The following SMNDC1 variants were observed in gnomAD, a reference collection of about 807,000 sequenced individuals.
SMNDC1 encodes the protein survival of motor neuron-related-splicing factor 30.
Under a neutral mutation model 29.2 loss-of-function variants are expected in SMNDC1, and 5 were observed. The ratio of observed to expected loss-of-function variants is 0.17; its 90% CI spans 0.09 to 0.36. The LOEUF is 0.36. Among genes scored for constraint, SMNDC1 ranks in the 10% least tolerant of loss-of-function variants. SMNDC1 has a pLI of 1.00. For synonymous variants in SMNDC1, 80 were observed against 89.9 expected (o/e 0.89, Z 0.62); for missense variants, 142 against 268.5 (o/e 0.53, Z 3.29).
In SMNDC1 at chr10:110,291,831, CG is replaced by C. The variant is rs369316086; in HGVS notation, c.*2318del. On this transcript the variant is annotated 3_prime_UTR_variant, in exon 6 of 6. Coordinates refer to ENST00000369603, the MANE Select transcript of SMNDC1 (RefSeq NM_005871.4). ...CCACTAAAACTCAACATTTTATTTT[CG>C]GGAGGTTAGGACTGTTCTTTCCTTG... 61 of 152,246 alleles carry C rather than the reference CG, an allele frequency of 4.0e-4. 1 individual carries two copies. In the East Asian group the frequency reaches 0.01, roughly 25 times the overall value. The allele number at this position is 152,246 out of a possible 1,614,324, so 9.4% of individuals were successfully genotyped here.
chr10:110,303,801 T>C (rs1421540238), intron 1 of SMNDC1: 5 of 473,154 alleles, frequency 1.1e-5, no homozygotes, highest in Non-Finnish European at 1.8e-5. Context: ...AAACTTGAGA[T>C]ACATTCCATA....
At chr10:110,298,591 T>G (rs1245338246) in intron 3 of SMNDC1, 57 bp downstream of exon 3, 1 of 1,454,014 alleles carries the variant, frequency 6.9e-7, no homozygotes, top group Non-Finnish European at 9.4e-7. Flanking sequence ...TAAAAACTTC[T>G]TACCATTGTA....
Position 110,295,217 on chromosome 10 carries a change from G to T in SMNDC1, c.579+11C>A. ...TTCTCAAATTTACAAAGTGTAAAAAGATTTACCAACCTGGCCTTTTTTGTT... is the reference window on the plus strand; with the variant it reads ...TTCTCAAATTTACAAAGTGTAAAAATATTTACCAACCTGGCCTTTTTTGTT... On this transcript the variant is annotated intron_variant, in intron 5 of 5. Coordinates refer to ENST00000369603, the MANE Select transcript of SMNDC1 (RefSeq NM_005871.4). 6.3e-7 allele frequency: 1 copy of T among 1,577,804 alleles called. No homozygotes were observed. The highest frequency in any genetic ancestry group is 8.5e-7 in the Non-Finnish European group (1 of 1,169,870).
At position 110,302,541 on chromosome 10, in the gene SMNDC1, A is replaced by T. The variant is rs193102485; in HGVS notation, c.120+927T>A. Among the ~76,000 whole-genome samples, 23 of 152,282 alleles carry T rather than the reference A, an allele frequency of 1.5e-4. No homozygotes were observed. In the East Asian group the frequency reaches 3.9e-3, roughly 26 times the overall value. ...CAGTTCTGATATCCCTAAAATAGTA[A>T]TAGTTTTAACGGGCAGTGGGATAAT... On this transcript the variant is annotated intron_variant, in intron 2 of 5. Coordinates refer to ENST00000369603, the MANE Select transcript of SMNDC1 (RefSeq NM_005871.4).
At chr10:110,299,142 T>TA (rs1857609929) in intron 2 of SMNDC1, among the ~76,000 whole-genome samples, 1 of 152,234 alleles carries the variant, frequency 6.6e-6, no homozygotes, top group Non-Finnish European at 1.5e-5. Context: ...GGCACTGAAT[T>TA]AGATACTCTT....
intron 2 of SMNDC1, among the ~76,000 whole-genome samples, chr10:110,299,808 CCT>C (rs1219035820): frequency 1.3e-5 from 2 of 152,110 alleles, no homozygotes; most frequent in African/African-American, 4.8e-5. Context: ...TTAAATATTA[CCT>C]CTCTCCTAAA....
intron 3 of SMNDC1, among the ~76,000 whole-genome samples, chr10:110,297,931 T>C (rs772384477): frequency 3.4e-4 from 51 of 152,234 alleles, no homozygotes; most frequent in Non-Finnish European, 6.3e-4. Flanking sequence ...ATAATATTGC[T>C]GGGCAAGTCT....
intron 2 of SMNDC1, chr10:110,300,849 T>C (rs988619065): frequency 1.5e-5 from 5 of 323,616 alleles, no homozygotes; most frequent in Non-Finnish European, 2.2e-5. Context: ...CCCGGGGAGC[T>C]AGTCAGCTAG....
intron 2 of SMNDC1, 77 bp from the exon 3 acceptor site, chr10:110,298,867 A>G: frequency 8.9e-7 from 1 of 1,120,596 alleles, no homozygotes; most frequent in Non-Finnish European, 1.3e-6. Context: ...GACAGCCTTC[A>G]TACTGTACGT....
At chr10:110,301,999 C>T (rs976503967) in intron 2 of SMNDC1, among the ~76,000 whole-genome samples, 1 of 152,216 alleles carries the variant, frequency 6.6e-6, no homozygotes, top group African/African-American at 2.4e-5. Flanking sequence ...ACAAATACCC[C>T]TCCTCCCACT....
intron 2 of SMNDC1, 102 bp from the exon 3 acceptor site, chr10:110,298,892 A>G (rs949327097): frequency 3.7e-6 from 3 of 806,396 alleles, no homozygotes; most frequent in Admixed American, 2.7e-5. Context: ...TACTCTACAT[A>G]TATTTCATTT....
In SMNDC1 at chr10:110,293,951, G is replaced by A. The variant is rs1042063015; in HGVS notation, c.*199C>T. The A allele has an allele frequency of 1.2e-5, 5 of 429,564 alleles. No individual in the cohort carries two copies. The highest frequency in any genetic ancestry group is 8.1e-5 in the East Asian group (2 of 24,712). 26.6% of individuals were successfully genotyped at this position (429,564 alleles called of 1,614,324 possible). ...TTATTCAACAAACTTTGAGGGAACC[G>A]TGGTACTGATAATGAGAAAAGTTAA... On this transcript the variant is annotated 3_prime_UTR_variant, in exon 6 of 6. Coordinates refer to ENST00000369603, the MANE Select transcript of SMNDC1 (RefSeq NM_005871.4).
chr10:110,300,488 A>G (rs1228582847), intron 2 of SMNDC1: 8 of 866,302 alleles, frequency 9.2e-6, no homozygotes, highest in African/African-American at 1.8e-5. Context: ...ACATGTGCGT[A>G]TGGACCAAAG....
chr10:110,303,958 T>C, intron 1 of SMNDC1: 1 of 180,784 alleles, frequency 5.5e-6, no homozygotes, highest in Non-Finnish European at 1.1e-5. Flanking sequence ...TCAAAAACAA[T>C]CCAAATACTT....
At chr10:110,300,661 A>G (rs1241074412) in intron 2 of SMNDC1, 3 of 985,284 alleles carry the variant, frequency 3.0e-6, no homozygotes, top group Admixed American at 6.1e-5. Flanking sequence ...TGTGATCTAC[A>G]TATCAGCAGG....
At chr10:110,297,958 C>A (rs1423950500) in intron 3 of SMNDC1, among the ~76,000 whole-genome samples, 1 of 152,182 alleles carries the variant, frequency 6.6e-6, no homozygotes, top group African/African-American at 2.4e-5. Flanking sequence ...TGTACCTACT[C>A]AACGTGATTT....
intron 2 of SMNDC1, among the ~76,000 whole-genome samples, chr10:110,300,294 T>C (rs1252488622): frequency 4.6e-5 from 7 of 152,234 alleles, no homozygotes; most frequent in African/African-American, 1.2e-4. Context: ...GTTAAAGAAA[T>C]ATATTTCATC....
chr10:110,296,647 A>G (rs955922692), intron 4 of SMNDC1, among the ~76,000 whole-genome samples: 2 of 152,186 alleles, frequency 1.3e-5, no homozygotes, highest in African/African-American at 4.8e-5. Context: ...CCTGGATCAC[A>G]GCAGTAGTTG....
rs563613181 is a variant in SMNDC1 at position 110,290,762 on chromosome 10, T to C, written c.*3388A>G. 6.6e-5 allele frequency: 10 copies of C among 152,354 alleles called. No individual in the cohort carries two copies. The highest frequency in any genetic ancestry group is 2.1e-4 in the South Asian group (1 of 4,832). The allele number at this position is 152,354 out of a possible 1,614,324, so 9.4% of individuals were successfully genotyped here. The stretch of plus-strand genomic sequence containing the variant: ...AAATATAAAACCTCATTGGTTTTAA[T>C]AGATTTTCTTCCTTTATATTTCAGT... On this transcript the variant is annotated 3_prime_UTR_variant, in exon 6 of 6. Coordinates refer to ENST00000369603, the MANE Select transcript of SMNDC1 (RefSeq NM_005871.4).
Sources: allele counts gnomAD v4.1 joint callset (sites outside exome capture counted in the v4.1 genomes callset), GRCh38; gene constraint gnomAD v4.1.1; transcripts MANE v1.5; gene names NCBI Gene and HGNC (gene_info 2026-07-23, HGNC 2026-07-21).